The following FGF2 variants were observed in gnomAD, a reference collection of about 807,000 sequenced individuals.
FGF2 encodes the protein basic fibroblast growth factor bFGF.
In FGF2, 13 loss-of-function variants were observed where a neutral mutation model predicts 15.9. The ratio of observed to expected loss-of-function variants is 0.82; its 90% CI spans 0.53 to 1.30. The LOEUF is 1.30. FGF2 is among the 50% of genes most tolerant of loss of function. The probability of loss-of-function intolerance (pLI) is 0.00; values close to 1 mark genes in which losing one functional copy is unlikely to be tolerated. For missense variants in FGF2, 163 were observed against 196.9 expected, an observed-to-expected ratio of 0.83 and a Z score of 1.03; for synonymous variants, 90 against 78.4, an observed-to-expected ratio of 1.15 and a Z score of -0.78.
At chr4:122,844,529 TTTTC>T (rs1470035726) in intron 1 of FGF2, among the ~76,000 whole-genome samples, 13 of 151,806 alleles carry the variant, frequency 8.6e-5, no homozygotes, top group Non-Finnish European at 1.8e-4. Context: ...CTTTCTTTCT[TTTTC>T]TTTTTTTCTT....
In FGF2 at chr4:122,876,366, A is replaced by AAGG; in HGVS notation, c.227_229dup (p.Gly76dup). The AAGG allele has an allele frequency of 6.2e-7, 1 of 1,613,744 alleles. No homozygotes were observed. Among genetic ancestry groups the AAGG allele is most frequent in the Non-Finnish European group, 8.5e-7 (1 of 1,179,750 alleles). The stretch of plus-strand genomic sequence containing the variant: ...GAAGAGAGAGGAGTTGTGTCTATCA[A>AAGG]AGGAGTGTGTGCTAACCGTTACCTG... On this transcript the variant is annotated inframe_insertion, in exon 2 of 3. Transcript: ENST00000644866.
intron 1 of FGF2, among the ~76,000 whole-genome samples, chr4:122,869,318 G>A (rs1726674577): frequency 6.6e-6 from 1 of 152,154 alleles, no homozygotes; most frequent in Admixed American, 6.5e-5. Context: ...TGGCTATACG[G>A]GGTCTTCTTT....
chr4:122,832,138 G>C (rs1166444049), intron 1 of FGF2, among the ~76,000 whole-genome samples: 1 of 152,152 alleles, frequency 6.6e-6, no homozygotes, highest in Non-Finnish European at 1.5e-5. Flanking sequence ...TGATTTTCCA[G>C]ATACCCTACT....
chr4:122,850,206 G>C (rs573815014), intron 1 of FGF2, among the ~76,000 whole-genome samples: 260 of 151,284 alleles, frequency 1.7e-3, no homozygotes, highest in Non-Finnish European at 2.6e-3. Context: ...AGGTTGCAGT[G>C]AGCCAAGATT....
intron 1 of FGF2, among the ~76,000 whole-genome samples, chr4:122,871,782 A>C (rs1440073325): frequency 3.2e-5 from 2 of 62,742 alleles, no homozygotes; most frequent in Non-Finnish European, 5.7e-5. Context: ...ATTGAAAGAC[A>C]AAAAAAAAAA....
Position 122,847,004 on chromosome 4 carries a change from G to A in FGF2, c.178+19652G>A, listed in dbSNP as rs148469017. On this transcript the variant is annotated intron_variant, in intron 1 of 2. Transcript: ENST00000644866. ...CCTGTGCCCGCGCATTACAAGGGGCGCATTCCTCACTCATTCATCTGCCCC... is the reference window on the plus strand; with the variant it reads ...CCTGTGCCCGCGCATTACAAGGGGCACATTCCTCACTCATTCATCTGCCCC... Among the ~76,000 whole-genome samples the A allele has an allele frequency of 3.3e-5, 5 of 152,302 alleles. No individual in the cohort carries two copies. In the East Asian group the frequency reaches 5.8e-4, roughly 18 times the overall value.
At chr4:122,867,055 G>C (rs143908673) in intron 1 of FGF2, among the ~76,000 whole-genome samples, 2 of 152,328 alleles carry the variant, frequency 1.3e-5, no homozygotes, top group African/African-American at 4.8e-5. Flanking sequence ...ACATTATTCT[G>C]AGTGAAAGAG....
intron 1 of FGF2, among the ~76,000 whole-genome samples, chr4:122,847,603 CTCTA>C (rs34233719): frequency 0.31 from 44,297 of 141,784 alleles, 7,053 homozygotes; most frequent in East Asian, 0.39. Flanking sequence ...TAGGAGATCA[CTCTA>C]TCTATCTATC....
chr4:122,883,168 GTTC>G (rs1255296490), intron 2 of FGF2: 2 of 152,106 alleles, frequency 1.3e-5, no homozygotes, highest in African/African-American at 4.8e-5. Context: ...ACATCCCTGG[GTTC>G]TTCTCCATTT....
chr4:122,854,029 G>T (rs1022945964), intron 1 of FGF2, among the ~76,000 whole-genome samples: 2 of 152,136 alleles, frequency 1.3e-5, no homozygotes, highest in African/African-American at 2.4e-5. Context: ...TGGTTATACT[G>T]CACAATGAGA....
rs1482911855 is a variant in FGF2 at position 122,826,855 on chromosome 4, G to T, written c.-320G>T. 1 of 1,502,820 alleles carries T rather than the reference G, an allele frequency of 6.7e-7. No homozygotes were observed. 93.1% of individuals were successfully genotyped at this position (1,502,820 alleles called of 1,614,324 possible). On this transcript the variant is annotated 5_prime_UTR_variant, in exon 1 of 3. Coordinates refer to ENST00000644866, the MANE Select transcript of FGF2 (RefSeq NM_001361665.2). ...TGCCAGATTAGCGGACGCGGTGCCCGCGGTTGCAACGGGATCCCGGGCGCT... is the reference window on the plus strand; with the variant it reads ...TGCCAGATTAGCGGACGCGGTGCCCTCGGTTGCAACGGGATCCCGGGCGCT...
chr4:122,891,492 G>T (rs1372666037), intron 2 of FGF2, among the ~76,000 whole-genome samples: 1 of 148,914 alleles, frequency 6.7e-6, no homozygotes, highest in Non-Finnish European at 1.5e-5. Context: ...TCCTGAAAGA[G>T]ACTGCCAGAA....
At chr4:122,887,192 T>G (rs1727077082) in intron 2 of FGF2, among the ~76,000 whole-genome samples, 1 of 152,106 alleles carries the variant, frequency 6.6e-6, no homozygotes, top group Admixed American at 6.5e-5. Flanking sequence ...TGCGCACCTG[T>G]AATCCCAGCT....
intron 1 of FGF2, among the ~76,000 whole-genome samples, chr4:122,871,064 C>T (rs28449370): frequency 0.14 from 21,295 of 152,014 alleles, 1,612 homozygotes; most frequent in Middle Eastern, 0.22. Context: ...TCATTTCTGC[C>T]GTAATTTCAT....
At chr4:122,886,399 C>A (rs1335006692) in intron 2 of FGF2, among the ~76,000 whole-genome samples, 1 of 152,186 alleles carries the variant, frequency 6.6e-6, no homozygotes, top group East Asian at 1.9e-4. Context: ...TACTCTTTCA[C>A]TTCCTTTCCA....
intron 1 of FGF2, among the ~76,000 whole-genome samples, chr4:122,862,182 A>G (rs1312206040): frequency 1.3e-5 from 2 of 152,218 alleles, no homozygotes; most frequent in Admixed American, 1.3e-4. Context: ...AATTGAATTA[A>G]TGAGTAAATG....
At chr4:122,868,578 C>T (rs1466766150) in intron 1 of FGF2, among the ~76,000 whole-genome samples, 2 of 152,138 alleles carry the variant, frequency 1.3e-5, no homozygotes, top group Non-Finnish European at 2.9e-5. Flanking sequence ...CTGCAATAAA[C>T]ACACATGTGC....
intron 1 of FGF2, among the ~76,000 whole-genome samples, chr4:122,870,567 T>A (rs1259160589): frequency 1.3e-5 from 2 of 152,212 alleles, no homozygotes; most frequent in Non-Finnish European, 2.9e-5. Context: ...GGTGTATGTG[T>A]CCAGGAATTT....
chr4:122,858,362 A>G (rs1164892098), intron 1 of FGF2, among the ~76,000 whole-genome samples: 1 of 150,694 alleles, frequency 6.6e-6, no homozygotes, highest in African/African-American at 2.4e-5. Context: ...AAAGTTTTTC[A>G]TTTTCAGCAA....
Sources: gnomAD v4.1 joint callset for allele counts (sites outside exome capture counted in the v4.1 genomes callset) on GRCh38, gnomAD v4.1.1 for gene constraint, MANE v1.5 for transcripts, NCBI Gene and HGNC (gene_info 2026-07-23, HGNC 2026-07-21) for gene names.